The following PIGU variants were observed in gnomAD, a reference collection of about 807,000 sequenced individuals.
The protein encoded by PIGU is GPI-anchor transamidase component PIGU.
PIGU carries 24 observed loss-of-function variants against 49.9 expected under a neutral mutation model. The observed-to-expected ratio is 0.48, with a 90% CI of 0.35 to 0.68. The LOEUF (loss-of-function observed/expected upper bound fraction) is 0.68. Ranked by LOEUF, PIGU falls within the 30% of genes least tolerant of loss-of-function variation. PIGU has a pLI of 0.01. For missense variants in PIGU, 490 were observed against 532.6 expected (o/e 0.92, Z 0.79); for synonymous variants, 220 against 205.7 (o/e 1.07, Z -0.59).
chr20:34,586,841 T>C (rs528507715), intron 8 of PIGU, among the ~76,000 whole-genome samples: 1 of 152,272 alleles, frequency 6.6e-6, no homozygotes, highest in African/African-American at 2.4e-5. Context: ...CTGTTTAGAA[T>C]TGAGCCCAAA....
chr20:34,634,538 C>CA, intron 6 of PIGU, 77 bp downstream of exon 6: 1 of 1,379,050 alleles, frequency 7.3e-7, no homozygotes, highest in Non-Finnish European at 9.5e-7. Context: ...AAAAACAAAA[C>CA]AAAACCACAG....
intron 8 of PIGU, among the ~76,000 whole-genome samples, chr20:34,587,662 C>T (rs6059932): frequency 0.44 from 66,888 of 151,872 alleles, 15,256 homozygotes; most frequent in Non-Finnish European, 0.49. Context: ...CCCACCCTGC[C>T]GGCATCGGTA....
intron 6 of PIGU, among the ~76,000 whole-genome samples, chr20:34,628,938 C>A (rs575532609): frequency 7.1e-4 from 108 of 152,186 alleles, no homozygotes; most frequent in Non-Finnish European, 1.3e-3. Context: ...CATGTCCAGG[C>A]CCTTTGCTGT....
intron 2 of PIGU, among the ~76,000 whole-genome samples, chr20:34,653,211 T>C (rs1240233501): frequency 6.6e-6 from 1 of 152,110 alleles, no homozygotes; most frequent in Non-Finnish European, 1.5e-5. Flanking sequence ...GGCCTCAATC[T>C]ACCCGCCTTG....
At position 34,645,340 on chromosome 20, in the gene PIGU, G is replaced by GAA; in HGVS notation, c.196-8_196-7dup. On this transcript the variant is annotated splice_region_variant and splice_polypyrimidine_tract_variant and intron_variant, in intron 2 of 11. Coordinates refer to ENST00000217446, the MANE Select transcript of PIGU (RefSeq NM_080476.5). ...AGGTATATTATTAATGGAGTCTGCA[G>GAA]AAAAAAAACAGACATGTAAAAAAAA... 1 of 1,553,952 alleles carries GAA rather than the reference G, an allele frequency of 6.4e-7. No homozygotes were observed. The highest frequency in any genetic ancestry group is 1.2e-5 in the South Asian group (1 of 80,454).
At position 34,565,708 on chromosome 20, in the gene PIGU, GACAC is replaced by G. The variant is rs138862528; in HGVS notation, c.1195-4733_1195-4730del. 2.6e-3 allele frequency among the ~76,000 whole-genome samples: 385 copies of G among 147,080 alleles called. 1 individual carries two copies. Among genetic ancestry groups the G allele is most frequent in the African/African-American group, 6.9e-3 (277 of 39,918 alleles). On this transcript the variant is annotated intron_variant, in intron 11 of 11. Coordinates refer to ENST00000217446, the MANE Select transcript of PIGU (RefSeq NM_080476.5). ...TTCTCTTCCTGCAGCCACCTCTCTG[GACAC>G]ACACACACACACACACACACACAGG...
chr20:34,561,307 G>A (rs1344019668), intron 11 of PIGU, among the ~76,000 whole-genome samples: 1 of 152,134 alleles, frequency 6.6e-6, no homozygotes, highest in African/African-American at 2.4e-5. Flanking sequence ...ATCCCAGCCA[G>A]GTCCACATCA....
intron 6 of PIGU, among the ~76,000 whole-genome samples, chr20:34,620,607 C>A (rs535293579): frequency 6.6e-6 from 1 of 151,884 alleles, no homozygotes; most frequent in East Asian, 1.9e-4. Context: ...GTCGGGAGAT[C>A]GAGACCATCC....
rs1853055 is a variant in PIGU at position 34,674,127 on chromosome 20, G to A, written c.130+2829C>T. The stretch of plus-strand genomic sequence containing the variant: ...TCCCAGCACTTTCACAGGTCAAGGC[G>A]GGCGGCTCACCTGAGGTCAGGAGTT... On this transcript the variant is annotated intron_variant, in intron 1 of 11. Transcript: ENST00000217446. 8.6e-5 allele frequency among the ~76,000 whole-genome samples: 13 copies of A among 152,016 alleles called. No individual in the cohort carries two copies. In the East Asian group the frequency reaches 2.3e-3, roughly 27 times the overall value.
chr20:34,662,075 C>T (rs941008171), intron 1 of PIGU, among the ~76,000 whole-genome samples: 1 of 151,992 alleles, frequency 6.6e-6, no homozygotes, highest in Non-Finnish European at 1.5e-5. Context: ...TGTGCCCCCC[C>T]GCCAACTGTT....
intron 1 of PIGU, among the ~76,000 whole-genome samples, chr20:34,667,920 A>G (rs1987153185): frequency 6.6e-6 from 1 of 152,158 alleles, no homozygotes; most frequent in South Asian, 2.1e-4. Context: ...TATGGCTGAC[A>G]TCACCAGTAT....
chr20:34,610,656 A>G (rs924674062), intron 7 of PIGU, among the ~76,000 whole-genome samples: 1 of 152,204 alleles, frequency 6.6e-6, no homozygotes, highest in African/African-American at 2.4e-5. Flanking sequence ...ATTCAATGCT[A>G]TTCCCATCAA....
At chr20:34,594,976 T>C (rs1197892671) in intron 7 of PIGU, among the ~76,000 whole-genome samples, 7 of 145,194 alleles carry the variant, frequency 4.8e-5, no homozygotes, top group Non-Finnish European at 7.5e-5. Context: ...CCTGTAGTCC[T>C]AGCTACTCGG....
chr20:34,653,951 G>A (rs981766425), intron 2 of PIGU, among the ~76,000 whole-genome samples: 3 of 151,434 alleles, frequency 2.0e-5, no homozygotes, highest in South Asian at 2.1e-4. Context: ...TCCGCCTCCC[G>A]TGTTCACGCC....
intron 6 of PIGU, among the ~76,000 whole-genome samples, chr20:34,625,368 C>CA (rs745930230): frequency 0.16 from 12,726 of 80,160 alleles, 1,616 homozygotes; most frequent in African/African-American, 0.39. Flanking sequence ...AACTCCATCT[C>CA]AAAAAAAAAA....
In PIGU at chr20:34,649,144, G is replaced by A. The variant is rs145798065; in HGVS notation, c.196-3810C>T. 2.6e-3 allele frequency among the ~76,000 whole-genome samples: 390 copies of A among 152,244 alleles called. 1 individual carries two copies. The highest frequency in any genetic ancestry group is 8.9e-3 in the African/African-American group (368 of 41,548). On this transcript the variant is annotated intron_variant, in intron 2 of 11. Coordinates refer to ENST00000217446, the MANE Select transcript of PIGU (RefSeq NM_080476.5). ...GGCCTCCCGAAGTGCTGGGATTACA[G>A]GTGTGAGCCACCACGCCCGGTCTGT...
chr20:34,584,700 T>G (rs760200983), intron 9 of PIGU, among the ~76,000 whole-genome samples: 8 of 151,168 alleles, frequency 5.3e-5, no homozygotes, highest in South Asian at 2.1e-4. Flanking sequence ...TGTTGTTGTT[T>G]TTGTTGAGAT....
intron 11 of PIGU, chr20:34,562,355 C>T: frequency 8.4e-7 from 1 of 1,191,444 alleles, no homozygotes; most frequent in Non-Finnish European, 1.1e-6. Flanking sequence ...GAGCACTTGG[C>T]TATGGTCTTG....
intron 2 of PIGU, among the ~76,000 whole-genome samples, chr20:34,656,809 T>C (rs1034437626): frequency 6.6e-6 from 1 of 151,942 alleles, no homozygotes; most frequent in Non-Finnish European, 1.5e-5. Context: ...TAAGTTTTTC[T>C]GGGCTTTCTA....
Sources: allele counts gnomAD v4.1 joint callset (sites outside exome capture counted in the v4.1 genomes callset), GRCh38; gene constraint gnomAD v4.1.1; transcripts MANE v1.5; gene names NCBI Gene and HGNC (gene_info 2026-07-23, HGNC 2026-07-21).